The following DLG2 variants were observed in gnomAD, a reference collection of about 807,000 sequenced individuals.
The protein encoded by DLG2 is discs large MAGUK scaffold protein 2, also known as disks large homolog 2.
Under a neutral mutation model 132.5 loss-of-function variants are expected in DLG2, and 45 were observed. That is an observed-to-expected ratio of 0.34 (90% confidence interval 0.27 to 0.44). DLG2 has a LOEUF of 0.44. Ranked by LOEUF, DLG2 falls within the 20% of genes least tolerant of loss-of-function variation. DLG2 has a pLI of 1.00. For synonymous variants in DLG2, 424 were observed against 419.6 expected, an observed-to-expected ratio of 1.01 and a Z score of -0.13; for missense variants, 1,045 against 1,196.9, an observed-to-expected ratio of 0.87 and a Z score of 1.87.
chr11:85,487,140 TA>T (rs1347694293), intron 3 of DLG2, among the ~76,000 whole-genome samples: 74 of 151,176 alleles, frequency 4.9e-4, no homozygotes, highest in Non-Finnish European at 1.6e-4. Flanking sequence ...AAGATATATA[TA>T]TATCTTGTAT....
chr11:83,739,723 A>G (rs2092348015), intron 18 of DLG2, among the ~76,000 whole-genome samples: 1 of 152,168 alleles, frequency 6.6e-6, no homozygotes. Flanking sequence ...CTTACATGTT[A>G]TTTAGAAAAC....
At chr11:84,420,699 T>C (rs1151245) in intron 7 of DLG2, among the ~76,000 whole-genome samples, 57,016 of 116,998 alleles carry the variant, frequency 0.49, 16,357 homozygotes, top group African/African-American at 0.82. Flanking sequence ...GACGGAGTCT[T>C]GCTCTGTCGC....
intron 11 of DLG2, among the ~76,000 whole-genome samples, chr11:84,021,249 G>A (rs2095382220): frequency 6.6e-6 from 1 of 151,888 alleles, no homozygotes; most frequent in Non-Finnish European, 1.5e-5. Flanking sequence ...CTGAGACTCA[G>A]AATTTCTATG....
chr11:83,982,592 C>A (rs1016269742), intron 11 of DLG2, among the ~76,000 whole-genome samples: 1 of 151,070 alleles, frequency 6.6e-6, no homozygotes, highest in Non-Finnish European at 1.5e-5. Context: ...ACAAAAGAGT[C>A]AAAAAGTTCA....
At chr11:85,588,696 T>G (rs1456348903) in intron 3 of DLG2, among the ~76,000 whole-genome samples, 2 of 152,184 alleles carry the variant, frequency 1.3e-5, no homozygotes, top group Non-Finnish European at 2.9e-5. Context: ...AGATTTTTTT[T>G]TATTGGTTTG....
chr11:84,167,957 C>T (rs889263638), intron 8 of DLG2, among the ~76,000 whole-genome samples: 14 of 152,304 alleles, frequency 9.2e-5, no homozygotes, highest in East Asian at 1.9e-4. Context: ...TGAGCCACCA[C>T]GCCTGGCCCA....
At chr11:84,292,606 T>C (rs2098019109) in intron 7 of DLG2, among the ~76,000 whole-genome samples, 2 of 152,228 alleles carry the variant, frequency 1.3e-5, no homozygotes, top group Non-Finnish European at 2.9e-5. Context: ...CTGATTTTTA[T>C]AAGCTATCAG....
chr11:84,605,657 T>C (rs2099584269), intron 6 of DLG2, among the ~76,000 whole-genome samples: 1 of 151,644 alleles, frequency 6.6e-6, no homozygotes, highest in Non-Finnish European at 1.5e-5. Flanking sequence ...GAAAAATCTG[T>C]AATACCATGT....
Position 84,520,385 on chromosome 11 carries a change from A to T in DLG2, c.519+14185T>A, listed in dbSNP as rs573707601. On this transcript the variant is annotated intron_variant, in intron 7 of 27. Coordinates refer to ENST00000376104, the MANE Select transcript of DLG2 (RefSeq NM_001142699.3). ...GCCAGCCTATTTACCCCTCTCTGGA[A>T]GCACCCCAATCTGCTGCCATTCTCT... Among the ~76,000 whole-genome samples, 4 of 152,256 alleles carry T rather than the reference A, an allele frequency of 2.6e-5. No homozygotes were observed. The East Asian group carries it at 7.7e-4, about 29-fold the overall frequency.
intron 18 of DLG2, among the ~76,000 whole-genome samples, chr11:83,715,291 A>C (rs972438695): frequency 1.3e-5 from 2 of 152,240 alleles, no homozygotes; most frequent in Non-Finnish European, 1.5e-5. Context: ...CTAGATATTA[A>C]ATATACATAG....
intron 3 of DLG2, among the ~76,000 whole-genome samples, chr11:85,490,679 A>C (rs1254715986): frequency 6.6e-6 from 1 of 152,146 alleles, no homozygotes; most frequent in African/African-American, 2.4e-5. Flanking sequence ...ATATGCTCAC[A>C]AACTATATGC....
intron 15 of DLG2, among the ~76,000 whole-genome samples, chr11:83,883,798 T>C (rs1161453224): frequency 6.8e-6 from 1 of 146,466 alleles, no homozygotes; most frequent in African/African-American, 2.5e-5. Flanking sequence ...TGTATGAACA[T>C]GTATACAAAA....
intron 11 of DLG2, among the ~76,000 whole-genome samples, chr11:84,023,580 T>C (rs2095458662): frequency 6.6e-6 from 1 of 152,130 alleles, no homozygotes; most frequent in Non-Finnish European, 1.5e-5. Flanking sequence ...ATAACATGGG[T>C]TCAAATTGTA....
At chr11:84,932,593 G>C (rs886069870) in intron 6 of DLG2, among the ~76,000 whole-genome samples, 4 of 152,094 alleles carry the variant, frequency 2.6e-5, no homozygotes, top group African/African-American at 7.2e-5. Flanking sequence ...TCCCACTTAT[G>C]AGTGAGAACA....
At chr11:84,505,849 T>C (rs17808372) in intron 7 of DLG2, among the ~76,000 whole-genome samples, 7,600 of 152,196 alleles carry the variant, frequency 0.05, 250 homozygotes, top group Middle Eastern at 0.071. Flanking sequence ...AGATGTATTT[T>C]ATAGTTCAAT....
At chr11:83,909,319 C>A (rs1338226030) in intron 15 of DLG2, among the ~76,000 whole-genome samples, 1 of 152,154 alleles carries the variant, frequency 6.6e-6, no homozygotes, top group Non-Finnish European at 1.5e-5. Flanking sequence ...TCTGAGACTC[C>A]TTTCAGTGCT....
chr11:84,739,868 C>A (rs1228830212), intron 6 of DLG2, among the ~76,000 whole-genome samples: 1 of 151,984 alleles, frequency 6.6e-6, no homozygotes, highest in Non-Finnish European at 1.5e-5. Flanking sequence ...TAAATAACTA[C>A]CCTGTGATCC....
chr11:83,817,279 A>C (rs2153974693), intron 17 of DLG2, among the ~76,000 whole-genome samples: 1 of 152,278 alleles, frequency 6.6e-6, no homozygotes, highest in East Asian at 1.9e-4. Context: ...GTGAAGTGGG[A>C]ATGGCAAGAG....
intron 19 of DLG2, among the ~76,000 whole-genome samples, chr11:83,544,380 T>G (rs1455282467): frequency 6.6e-6 from 1 of 152,178 alleles, no homozygotes; most frequent in Non-Finnish European, 1.5e-5. Context: ...AAAGTTACCT[T>G]ATTGTGACTC....
Sources: gnomAD v4.1 joint callset for allele counts (sites outside exome capture counted in the v4.1 genomes callset) on GRCh38, gnomAD v4.1.1 for gene constraint, MANE v1.5 for transcripts, NCBI Gene and HGNC (gene_info 2026-07-23, HGNC 2026-07-21) for gene names.